RBFOX1: variants seen among roughly 807,000 people sequenced by gnomAD.
The protein encoded by RBFOX1 is RNA binding protein fox-1 homolog 1.
In RBFOX1, 8 loss-of-function variants were observed where a neutral mutation model predicts 57.7. The observed-to-expected ratio is 0.14, with a 90% CI of 0.08 to 0.25. RBFOX1 has a LOEUF of 0.25. Ranked by LOEUF, RBFOX1 falls within the 10% of genes least tolerant of loss-of-function variation. The pLI, the probability that RBFOX1 is intolerant of heterozygous loss-of-function variation, is 1.00. For synonymous variants in RBFOX1, 326 were observed against 222.4 expected (o/e 1.47, Z -4.15); for missense variants, 611 against 548.5 (o/e 1.11, Z -1.14).
At chr16:6,226,014 A>C (rs1022842590) in intron 1 of RBFOX1, among the ~76,000 whole-genome samples, 1 of 152,108 alleles carries the variant, frequency 6.6e-6, no homozygotes, top group Non-Finnish European at 1.5e-5. Flanking sequence ...GTTAAAAGTG[A>C]TATACATTCC....
intron 1 of RBFOX1, among the ~76,000 whole-genome samples, chr16:6,211,041 C>G (rs1215237618): frequency 6.6e-5 from 10 of 152,196 alleles, no homozygotes; most frequent in African/African-American, 2.4e-4. Context: ...CTGAAGAAAA[C>G]ACACATAGCA....
At chr16:5,866,032 A>G (rs957588648) in intron 3 of RBFOX1, among the ~76,000 whole-genome samples, 1 of 151,978 alleles carries the variant, frequency 6.6e-6, no homozygotes, top group Non-Finnish European at 1.5e-5. Flanking sequence ...CAATGGCGCA[A>G]TCTCAGTTCA....
At chr16:7,420,919 A>G (rs564446007) in intron 4 of RBFOX1, among the ~76,000 whole-genome samples, 2 of 146,370 alleles carry the variant, frequency 1.4e-5, no homozygotes, top group African/African-American at 5.1e-5. Flanking sequence ...ATACATATAT[A>G]TATATACACA....
In RBFOX1 at chr16:7,135,012, C is replaced by A. The variant is rs1003816362; in HGVS notation, c.27+82914C>A. 1.3e-5 allele frequency among the ~76,000 whole-genome samples: 2 copies of A among 150,966 alleles called. 1 individual carries two copies. The highest frequency in any genetic ancestry group is 4.9e-5 in the African/African-American group (2 of 41,024). ...TTTGCAAAGTGGGATTCCACACTGA[C>A]AATACAGAGATATCATTCTGAGAAA... is the stretch of plus-strand genomic sequence containing the variant. On this transcript the variant is annotated intron_variant, in intron 4 of 15. Coordinates refer to ENST00000550418, the MANE Select transcript of RBFOX1 (RefSeq NM_018723.4).
At chr16:7,203,708 C>T (rs544666063) in intron 4 of RBFOX1, among the ~76,000 whole-genome samples, 222 of 152,176 alleles carry the variant, frequency 1.5e-3, no homozygotes, top group Non-Finnish European at 1.6e-3. Flanking sequence ...TACATGGTCT[C>T]TTCCATTTCT....
At position 5,262,157 on chromosome 16, in the gene RBFOX1, A is replaced by G. The variant is rs1330247587; in HGVS notation, c.219+22052A>G. 2.0e-5 allele frequency among the ~76,000 whole-genome samples: 3 copies of G among 152,310 alleles called. No individual in the cohort carries two copies. In the East Asian group the frequency reaches 5.8e-4, roughly 29 times the overall value. On this transcript the variant is annotated intron_variant, in intron 1 of 2. Transcript: ENST00000585867. Reference sequence around the variant, plus strand: ...GGCTTAGTTAAGAGGTAACATTTGAACTAAGCCTTGAAATAAGGGAAGGAT... The same window carrying G: ...GGCTTAGTTAAGAGGTAACATTTGAGCTAAGCCTTGAAATAAGGGAAGGAT...
At chr16:7,699,538 C>A (rs1598406240) in intron 14 of RBFOX1, among the ~76,000 whole-genome samples, 1 of 152,134 alleles carries the variant, frequency 6.6e-6, no homozygotes, top group East Asian at 1.9e-4. Context: ...ATAGGACTTG[C>A]TAAAGTTGTG....
At chr16:6,655,312 T>A (rs560343394) in intron 3 of RBFOX1, among the ~76,000 whole-genome samples, 1 of 129,542 alleles carries the variant, frequency 7.7e-6, no homozygotes, top group Non-Finnish European at 1.5e-5. Context: ...AGGTGGAGAC[T>A]GCAGTGAGCC....
At chr16:5,976,002 G>C (rs1411879482) in intron 4 of RBFOX1, among the ~76,000 whole-genome samples, 1 of 151,984 alleles carries the variant, frequency 6.6e-6, no homozygotes, top group Admixed American at 6.6e-5. Flanking sequence ...AAATTAGCCG[G>C]ATGTGGTGGC....
In RBFOX1 at chr16:7,443,780, C is replaced by G. The variant is rs1320951939; in HGVS notation, c.28-74367C>G. ...AGAGTTGCCCAGAAGAGATCCGTTGCTCCTATTTTATACATTACAAAACCG... is the reference window on the plus strand; with the variant it reads ...AGAGTTGCCCAGAAGAGATCCGTTGGTCCTATTTTATACATTACAAAACCG... On this transcript the variant is annotated intron_variant, in intron 4 of 15. Transcript: ENST00000550418. Among the ~76,000 whole-genome samples the G allele has an allele frequency of 3.3e-5, 5 of 152,172 alleles. No homozygotes were observed. The East Asian group carries it at 7.7e-4, about 23-fold the overall frequency.
chr16:6,468,255 T>C (rs917276328), intron 2 of RBFOX1, among the ~76,000 whole-genome samples: 3 of 152,136 alleles, frequency 2.0e-5, no homozygotes, highest in Non-Finnish European at 4.4e-5. Flanking sequence ...AGTTTACGTT[T>C]TTGACTTTTT....
chr16:5,722,507 G>A (rs2051973077), intron 3 of RBFOX1, among the ~76,000 whole-genome samples: 1 of 152,276 alleles, frequency 6.6e-6, no homozygotes, highest in Middle Eastern at 3.4e-3. Flanking sequence ...GTGTCCAGGT[G>A]TCCCCAGGGG....
At chr16:5,556,502 T>C (rs1047155563) in intron 2 of RBFOX1, among the ~76,000 whole-genome samples, 2 of 152,178 alleles carry the variant, frequency 1.3e-5, no homozygotes, top group African/African-American at 4.8e-5. Flanking sequence ...TTCTAAAACT[T>C]AAAGAAATGC....
chr16:6,564,149 C>T (rs1047883027), intron 2 of RBFOX1, among the ~76,000 whole-genome samples: 6 of 152,016 alleles, frequency 3.9e-5, no homozygotes, highest in Admixed American at 6.6e-5. Context: ...CTGTTTTCCA[C>T]GAAAGTCTGT....
At chr16:5,956,968 C>G (rs2059656344) in intron 4 of RBFOX1, among the ~76,000 whole-genome samples, 1 of 151,936 alleles carries the variant, frequency 6.6e-6, no homozygotes, top group African/African-American at 2.4e-5. Context: ...CTGCGCCCAG[C>G]CTGCAATTTT....
chr16:6,462,092 A>C (rs2094933573), intron 2 of RBFOX1, among the ~76,000 whole-genome samples: 1 of 152,164 alleles, frequency 6.6e-6, no homozygotes, highest in African/African-American at 2.4e-5. Context: ...TTCCAGAGAC[A>C]ATTTCATCCT....
At chr16:6,657,448 C>T (rs1173593167) in intron 3 of RBFOX1, among the ~76,000 whole-genome samples, 1 of 152,126 alleles carries the variant, frequency 6.6e-6, no homozygotes, top group East Asian at 2.0e-4. Context: ...GCTCCATCCC[C>T]CTCCCTCTCT....
At chr16:7,493,959 C>T (rs1485455849) in intron 4 of RBFOX1, among the ~76,000 whole-genome samples, 12 of 152,178 alleles carry the variant, frequency 7.9e-5, no homozygotes, top group Non-Finnish European at 1.5e-5. Context: ...AAAGTCAAAA[C>T]AATTTCTTAG....
At chr16:5,705,484 A>G (rs1423678666) in intron 3 of RBFOX1, among the ~76,000 whole-genome samples, 1 of 152,168 alleles carries the variant, frequency 6.6e-6, no homozygotes, top group South Asian at 2.1e-4. Flanking sequence ...GCTGGTTTCA[A>G]ACTCATGGGC....
Sources: allele counts gnomAD v4.1 joint callset (sites outside exome capture counted in the v4.1 genomes callset), GRCh38; gene constraint gnomAD v4.1.1; transcripts MANE v1.5; gene names NCBI Gene and HGNC (gene_info 2026-07-23, HGNC 2026-07-21).